GULP1: variants seen among roughly 807,000 people sequenced by gnomAD.
The protein encoded by GULP1 is PTB domain-containing engulfment adapter protein 1.
A neutral mutation model predicts 40.9 loss-of-function variants in GULP1; 19 were observed. That is an observed-to-expected ratio of 0.46 (90% CI 0.32 to 0.68). The LOEUF is 0.68. GULP1 is among the 30% of genes least tolerant of loss of function. The probability of loss-of-function intolerance (pLI) is 0.03; values close to 1 mark genes in which losing one functional copy is unlikely to be tolerated. For missense variants in GULP1, 312 were observed against 362.2 expected (o/e 0.86, Z 1.12); for synonymous variants, 119 against 117.6 (o/e 1.01, Z -0.08).
At chr2:188,442,851 A>G (rs2152874923) in intron 2 of GULP1, among the ~76,000 whole-genome samples, 1 of 152,308 alleles carries the variant, frequency 6.6e-6, no homozygotes, top group African/African-American at 2.4e-5. Flanking sequence ...TATCCAAAAG[A>G]TCAGATTCTG....
At chr2:188,499,323 A>T (rs1272926913) in intron 4 of GULP1, among the ~76,000 whole-genome samples, 1 of 151,118 alleles carries the variant, frequency 6.6e-6, no homozygotes, top group Non-Finnish European at 1.5e-5. Flanking sequence ...CTGAATACTA[A>T]GCAAATTCCT....
intron 4 of GULP1, among the ~76,000 whole-genome samples, chr2:188,512,312 A>C (rs1575695240): frequency 1.3e-5 from 2 of 152,140 alleles, no homozygotes; most frequent in Non-Finnish European, 2.9e-5. Flanking sequence ...AATATTTATT[A>C]ATCTTGAAGC....
Position 188,529,365 on chromosome 2 carries a change from A to G in GULP1, c.261+170A>G, listed in dbSNP as rs76036120. On this transcript the variant is annotated intron_variant, in intron 6 of 11. Transcript: ENST00000409830. ...TGAAAACAACTTTTGGAATTGCATT[A>G]TAAGTGATCTTTTCTTCAGCTTGTT... Among the ~76,000 whole-genome samples, 53 of 152,290 alleles carry G rather than the reference A, an allele frequency of 3.5e-4. No individual in the cohort carries two copies. In the East Asian group the frequency reaches 6.8e-3, roughly 19 times the overall value.
chr2:188,509,140 G>C (rs1054737351), intron 4 of GULP1, among the ~76,000 whole-genome samples: 2 of 152,010 alleles, frequency 1.3e-5, no homozygotes, highest in Admixed American at 1.3e-4. Flanking sequence ...CTGGTACACA[G>C]TAGGTCTTCA....
In GULP1 at chr2:188,556,103, T is replaced by C. The variant is rs574466663; in HGVS notation, c.400-13136T>C. Among the ~76,000 whole-genome samples the C allele has an allele frequency of 7.2e-5, 11 of 152,114 alleles. No individual in the cohort carries two copies. The South Asian group carries it at 1.2e-3, about 17-fold the overall frequency. ...AAAAGAAAAAAAAAGAAGGTTTTCA[T>C]TGACTATTTCATGAAATGGGTTTTC... On this transcript the variant is annotated intron_variant, in intron 7 of 11. Coordinates refer to ENST00000409830, the MANE Select transcript of GULP1 (RefSeq NM_016315.4).
At chr2:188,297,847 A>C (rs2035315586) in intron 1 of GULP1, among the ~76,000 whole-genome samples, 1 of 152,128 alleles carries the variant, frequency 6.6e-6, no homozygotes, top group African/African-American at 2.4e-5. Flanking sequence ...GAACATTTGT[A>C]GTATGGTAGC....
chr2:188,367,679 C>G (rs138984666), intron 1 of GULP1, among the ~76,000 whole-genome samples: 164 of 152,226 alleles, frequency 1.1e-3, no homozygotes, highest in African/African-American at 3.7e-3. Context: ...CATACTGAAG[C>G]CCAAGGAGGG....
At chr2:188,360,011 G>A (rs999429519) in intron 1 of GULP1, among the ~76,000 whole-genome samples, 2 of 152,072 alleles carry the variant, frequency 1.3e-5, no homozygotes, top group Non-Finnish European at 2.9e-5. Context: ...TATTTATCAA[G>A]CCTTGCTGAT....
intron 4 of GULP1, among the ~76,000 whole-genome samples, chr2:188,498,043 G>T (rs1366647418): frequency 2.0e-5 from 3 of 151,784 alleles, no homozygotes; most frequent in Non-Finnish European, 4.4e-5. Context: ...ACACACATTG[G>T]CACCTTGACT....
rs538833386 is a variant in GULP1, at chr2:188,349,125, G to A, written c.-171-34638G>A. ...GTCTCTACAAATGCATCATTTTAAT[G>A]TATCATGTTCTGTTTATGCATTCAT... is the stretch of plus-strand genomic sequence containing the variant. On this transcript the variant is annotated intron_variant, in intron 1 of 11. Transcript: ENST00000409830. Among the ~76,000 whole-genome samples, 11 of 152,210 alleles carry A rather than the reference G, an allele frequency of 7.2e-5. 1 individual carries two copies. The highest frequency in any genetic ancestry group is 6.8e-3 in the Middle Eastern group (2 of 294).
chr2:188,405,304 C>G (rs1016042008), intron 2 of GULP1, among the ~76,000 whole-genome samples: 1 of 152,180 alleles, frequency 6.6e-6, no homozygotes, highest in African/African-American at 2.4e-5. Flanking sequence ...TTGGCTCTCA[C>G]AGACTCAGAC....
intron 7 of GULP1, among the ~76,000 whole-genome samples, chr2:188,561,624 TGACAGTA>T (rs1328481821): frequency 3.3e-5 from 5 of 152,140 alleles, no homozygotes; most frequent in African/African-American, 4.8e-5. Flanking sequence ...CTCCCAGTGG[TGACAGTA>T]GTCACTAGCT....
In GULP1 at chr2:188,339,479, C is replaced by T. The variant is rs577891210; in HGVS notation, c.-171-44284C>T. Among the ~76,000 whole-genome samples the T allele has an allele frequency of 2.6e-5, 4 of 152,192 alleles. No individual in the cohort carries two copies. The South Asian group carries it at 6.2e-4, about 24-fold the overall frequency. ...ATCTTTTTGGCTGTCTTGGTTTCCCCCTTTTGTTTTAAGACATGGTATACA... is the reference window on the plus strand; with the variant it reads ...ATCTTTTTGGCTGTCTTGGTTTCCCTCTTTTGTTTTAAGACATGGTATACA... On this transcript the variant is annotated intron_variant, in intron 1 of 11. Transcript: ENST00000409830.
chr2:188,413,826 AG>A (rs2054222138), intron 2 of GULP1, among the ~76,000 whole-genome samples: 1 of 152,186 alleles, frequency 6.6e-6, no homozygotes, highest in African/African-American at 2.4e-5. Flanking sequence ...CTTTTCATAT[AG>A]GTGGGTTATT....
At chr2:188,391,038 A>T in intron 2 of GULP1, among the ~76,000 whole-genome samples, 1 of 152,004 alleles carries the variant, frequency 6.6e-6, no homozygotes. Flanking sequence ...TATAATTGAA[A>T]ATGTAATGCC....
intron 1 of GULP1, among the ~76,000 whole-genome samples, chr2:188,375,717 T>C (rs1574843343): frequency 6.6e-6 from 1 of 152,312 alleles, no homozygotes; most frequent in Non-Finnish European, 1.5e-5. Context: ...TTCTAATGTA[T>C]TAAAATACTA....
chr2:188,326,376 T>C (rs2040770162), intron 1 of GULP1, among the ~76,000 whole-genome samples: 1 of 152,160 alleles, frequency 6.6e-6, no homozygotes, highest in African/African-American at 2.4e-5. Context: ...TGAAATGTTT[T>C]ACAGATTTAA....
intron 4 of GULP1, among the ~76,000 whole-genome samples, chr2:188,501,289 C>T (rs150850427): frequency 1.9e-3 from 289 of 151,874 alleles, no homozygotes; most frequent in African/African-American, 6.7e-3. Context: ...AAAAGTGTGA[C>T]ACTTTCCTCT....
chr2:188,476,509 T>C (rs1322089056), intron 2 of GULP1, among the ~76,000 whole-genome samples: 1 of 151,724 alleles, frequency 6.6e-6, no homozygotes, highest in Non-Finnish European at 1.5e-5. Flanking sequence ...GAAGCAGGTC[T>C]CTAGGTTATC....
Sources: allele counts gnomAD v4.1 joint callset (sites outside exome capture counted in the v4.1 genomes callset), GRCh38; gene constraint gnomAD v4.1.1; transcripts MANE v1.5; gene names NCBI Gene and HGNC (gene_info 2026-07-23, HGNC 2026-07-21).